Variants in PIP5K1B observed in about 807,000 individuals in gnomAD.
PIP5K1B encodes the protein phosphatidylinositol-4-phosphate 5-kinase type 1 beta.
In PIP5K1B, 42 loss-of-function variants were observed where a neutral mutation model predicts 67.0. That is an observed-to-expected ratio of 0.63 (90% confidence interval 0.49 to 0.81). The LOEUF (loss-of-function observed/expected upper bound fraction) is 0.81. Ranked by LOEUF, PIP5K1B falls within the 30% of genes least tolerant of loss-of-function variation. The pLI is 0.00. For missense variants in PIP5K1B, 459 were observed against 646.3 expected, an observed-to-expected ratio of 0.71 and a Z score of 3.14; for synonymous variants, 214 against 231.4, an observed-to-expected ratio of 0.92 and a Z score of 0.68.
At chr9:68,789,510 T>G (rs1831837475) in intron 2 of PIP5K1B, 13 of 520,082 alleles carry the variant, frequency 2.5e-5, no homozygotes, top group Non-Finnish European at 4.7e-5. Flanking sequence ...TAAGAGACAG[T>G]GGTGAGGGGT....
chr9:68,766,608 A>G (rs74751968), intron 2 of PIP5K1B, among the ~76,000 whole-genome samples: 3,991 of 152,338 alleles, frequency 0.026, 110 homozygotes, highest in East Asian at 0.088. Context: ...ATAGGTAGGT[A>G]TGTACACAGA....
chr9:68,957,584 A>G (rs574103823), intron 14 of PIP5K1B, among the ~76,000 whole-genome samples: 1 of 152,338 alleles, frequency 6.6e-6, no homozygotes, highest in African/African-American at 2.4e-5. Context: ...GTTTTATGCT[A>G]GAGTTGATGA....
chr9:68,833,570 C>A (rs577673363), intron 4 of PIP5K1B, among the ~76,000 whole-genome samples: 299 of 151,876 alleles, frequency 2.0e-3, no homozygotes, highest in African/African-American at 7.0e-3. Context: ...TGCCCCCCCA[C>A]CCCCCGACAA....
rs1160272334 is a variant in PIP5K1B at position 68,863,841 on chromosome 9, C to T, written c.74C>T (p.Ala25Val). Reference protein sequence around the residue: ...QNEEKTYKKTASSAIKGAIQL... With the variant: ...QNEEKTYKKTVSSAIKGAIQL... ...AGACCCTTGTTTTCTTTGCAGACTG[C>T]ATCATCTGCTATTAAAGGTGCTATT... Residue 25 changes from alanine (A) to valine (V), a missense_variant, in exon 5 of 16, where the codon GCA becomes GTA. This residue lies in a region of PIP5K1B where 290 missense variants were observed against 474.4 expected (regional missense o/e 0.61). Coordinates refer to ENST00000265382, the MANE Select transcript of PIP5K1B (RefSeq NM_003558.4). 4.3e-6 allele frequency: 7 copies of T among 1,613,358 alleles called. No homozygotes were observed. Among genetic ancestry groups the T allele is most frequent in the Non-Finnish European group, 5.9e-6 (7 of 1,179,534 alleles).
chr9:68,889,561 C>T (rs529766503), intron 7 of PIP5K1B, among the ~76,000 whole-genome samples: 37 of 151,848 alleles, frequency 2.4e-4, no homozygotes, highest in Admixed American at 2.2e-3. Context: ...AGTGAAACCC[C>T]GTCTCTACTA....
chr9:68,948,921 A>C (rs1227262943), intron 14 of PIP5K1B, among the ~76,000 whole-genome samples: 1 of 152,230 alleles, frequency 6.6e-6, no homozygotes, highest in Non-Finnish European at 1.5e-5. Flanking sequence ...AGAATAATTT[A>C]GGATTCAGCA....
At chr9:68,825,992 T>C (rs1438007744) in intron 4 of PIP5K1B, among the ~76,000 whole-genome samples, 1 of 152,232 alleles carries the variant, frequency 6.6e-6, no homozygotes, top group Admixed American at 6.5e-5. Context: ...TTATTGAGGC[T>C]GGCTGCCTTT....
chr9:68,909,367 A>G (rs1489836448), intron 8 of PIP5K1B, among the ~76,000 whole-genome samples: 2 of 151,370 alleles, frequency 1.3e-5, no homozygotes, highest in African/African-American at 2.4e-5. Context: ...TTTTACTCAT[A>G]TGTACTTTAG....
At chr9:68,786,842 A>G (rs1302948750) in intron 2 of PIP5K1B, among the ~76,000 whole-genome samples, 1 of 152,184 alleles carries the variant, frequency 6.6e-6, no homozygotes, top group East Asian at 1.9e-4. Flanking sequence ...ACCACTTACC[A>G]AGCAGCTTCA....
At chr9:68,967,351 G>A (rs565263692) in intron 14 of PIP5K1B, among the ~76,000 whole-genome samples, 111 of 152,282 alleles carry the variant, frequency 7.3e-4, no homozygotes, top group African/African-American at 2.4e-3. Flanking sequence ...GAAGGTCATT[G>A]CTATAGACAA....
At chr9:68,922,802 A>G (rs1826476630) in intron 11 of PIP5K1B, among the ~76,000 whole-genome samples, 1 of 152,186 alleles carries the variant, frequency 6.6e-6, no homozygotes, top group Non-Finnish European at 1.5e-5. Context: ...GAATCCTCCT[A>G]GCATCTCCTC....
intron 14 of PIP5K1B, 114 bp downstream of exon 14, chr9:68,940,904 C>A: frequency 1.0e-6 from 1 of 957,440 alleles, no homozygotes; most frequent in Non-Finnish European, 1.7e-6. Context: ...TGCCTGTCAT[C>A]TGCCTCATAG....
In PIP5K1B at chr9:68,876,705, C is replaced by A; in HGVS notation, c.229C>A (p.His77Asn). ...AGGGAGCAATCTGACCCCAGCACAT[C>A]ACTACCCAGACTTTAGATTTAAGAC... Reference protein sequence around the residue: ...SEGSNLTPAHHYPDFRFKTYA... With the variant: ...SEGSNLTPAHNYPDFRFKTYA... Residue 77 changes from histidine to asparagine, a missense_variant, in exon 6 of 16, where the codon CAC becomes AAC. His to Asn is a moderately conservative substitution (Grantham distance 68). This residue lies in a region of PIP5K1B where 290 missense variants were observed against 474.4 expected (regional missense o/e 0.61). Transcript: ENST00000265382. The A allele has an allele frequency of 6.2e-7, 1 of 1,606,252 alleles. No individual in the cohort carries two copies. The highest frequency in any genetic ancestry group is 8.5e-7 in the Non-Finnish European group (1 of 1,172,762).
intron 6 of PIP5K1B, among the ~76,000 whole-genome samples, chr9:68,884,902 G>C (rs898045314): frequency 1.3e-5 from 2 of 152,148 alleles, no homozygotes; most frequent in African/African-American, 4.8e-5. Context: ...CAGTAGGGAG[G>C]TTCCTCAAAT....
intron 15 of PIP5K1B, among the ~76,000 whole-genome samples, chr9:69,005,535 C>T (rs1270189474): frequency 1.3e-5 from 2 of 152,170 alleles, no homozygotes; most frequent in East Asian, 1.9e-4. Context: ...CGCCACCACA[C>T]GCGGCTAATT....
At chr9:68,850,392 T>G (rs1238942961) in intron 4 of PIP5K1B, among the ~76,000 whole-genome samples, 1 of 152,220 alleles carries the variant, frequency 6.6e-6, no homozygotes, top group Admixed American at 6.5e-5. Context: ...GATAATTGTT[T>G]GTTGAGGGGG....
intron 11 of PIP5K1B, among the ~76,000 whole-genome samples, chr9:68,920,784 T>TCTCTCTCTCACACACACACACACA (rs879785029): frequency 7.0e-6 from 1 of 142,136 alleles, no homozygotes; most frequent in African/African-American, 2.8e-5. Flanking sequence ...TCTCTCTCTC[T>TCTCTCTCTCACACACACACACACA]CACACACATA....
At chr9:68,732,194 T>C (rs1366804679) in intron 1 of PIP5K1B, among the ~76,000 whole-genome samples, 1 of 152,242 alleles carries the variant, frequency 6.6e-6, no homozygotes, top group Non-Finnish European at 1.5e-5. Context: ...CCTTTCAAGG[T>C]GTAGTTTCAG....
intron 2 of PIP5K1B, among the ~76,000 whole-genome samples, chr9:68,793,129 A>ATGTGTATACACATATAGTGTATGTGTAT (rs6151015): frequency 2.6e-4 from 40 of 152,052 alleles, no homozygotes; most frequent in South Asian, 6.2e-4. Flanking sequence ...CATATAGTGT[A>ATGTGTATACACATATAGTGTATGTGTAT]AGGAACAGGA....
Sources: gnomAD v4.1 joint callset for allele counts (sites outside exome capture counted in the v4.1 genomes callset) on GRCh38, gnomAD v4.1.1 for gene constraint, gnomAD v4.1.1 regional missense constraint, MANE v1.5 for transcripts, NCBI Gene and HGNC (gene_info 2026-07-23, HGNC 2026-07-21) for gene names.